NEO1: variants seen among roughly 807,000 people sequenced by gnomAD.
NEO1 encodes the protein neogenin.
In NEO1, 63 loss-of-function variants were observed where a neutral mutation model predicts 159.7. The observed-to-expected ratio is 0.39, with a 90% CI of 0.32 to 0.49. NEO1 has a LOEUF of 0.49. NEO1 is among the 20% of genes least tolerant of loss of function. NEO1 has a pLI of 0.85. For missense variants in NEO1, 1,615 were observed against 1,831.0 expected, an observed-to-expected ratio of 0.88 and a Z score of 2.15; for synonymous variants, 633 against 662.0, an observed-to-expected ratio of 0.96 and a Z score of 0.67.
At chr15:73,243,979 A>G (rs1396391076) in intron 8 of NEO1, among the ~76,000 whole-genome samples, 1 of 152,170 alleles carries the variant, frequency 6.6e-6, no homozygotes, top group East Asian at 1.9e-4. Context: ...GGTCATACCA[A>G]TATCCACCTT....
At chr15:73,188,908 C>T (rs1268228092) in intron 7 of NEO1, among the ~76,000 whole-genome samples, 1 of 151,914 alleles carries the variant, frequency 6.6e-6, no homozygotes, top group Non-Finnish European at 1.5e-5. Flanking sequence ...GCCTGGGCAA[C>T]ATAGTGAGAC....
chr15:73,155,978 C>T (rs113288632), intron 5 of NEO1, among the ~76,000 whole-genome samples: 8 of 152,040 alleles, frequency 5.3e-5, no homozygotes, highest in Admixed American at 1.3e-4. Context: ...GGACCTATTG[C>T]GGGAGAATTA....
chr15:73,283,710 G>A (rs1392943696), intron 23 of NEO1, among the ~76,000 whole-genome samples: 2 of 152,176 alleles, frequency 1.3e-5, no homozygotes, highest in Non-Finnish European at 1.5e-5. Context: ...AGTAGAAAGT[G>A]TCTGGCATTG....
chr15:73,067,892 A>C (rs1215786636), intron 1 of NEO1, among the ~76,000 whole-genome samples: 1 of 152,126 alleles, frequency 6.6e-6, no homozygotes, highest in Non-Finnish European at 1.5e-5. Flanking sequence ...CTGGGATTAC[A>C]GGTGTGAGCC....
At chr15:73,288,615 T>C (rs2042040683) in intron 24 of NEO1, 64 bp downstream of exon 24, 5 of 1,445,312 alleles carry the variant, frequency 3.5e-6, no homozygotes, top group Non-Finnish European at 4.8e-6. Flanking sequence ...AAATCTTTTT[T>C]TTTTTCCCTG....
At chr15:73,195,379 A>C (rs1429356668) in intron 7 of NEO1, among the ~76,000 whole-genome samples, 1 of 152,184 alleles carries the variant, frequency 6.6e-6, no homozygotes, top group Non-Finnish European at 1.5e-5. Flanking sequence ...GGCTGCTTAT[A>C]GACTAGCTTT....
At chr15:73,293,369 C>G (rs1164192179) in intron 25 of NEO1, 21 bp from the exon 26 acceptor site, 1 of 1,613,194 alleles carries the variant, frequency 6.2e-7, no homozygotes, top group Admixed American at 1.7e-5. Context: ...AAGCATTTCT[C>G]TGTCTTGTGT....
At chr15:73,217,099 T>G (rs1366872105) in intron 7 of NEO1, among the ~76,000 whole-genome samples, 3 of 152,052 alleles carry the variant, frequency 2.0e-5, no homozygotes, top group Non-Finnish European at 4.4e-5. Flanking sequence ...CTTGAACTGA[T>G]TTTTGTATAA....
intron 1 of NEO1, among the ~76,000 whole-genome samples, chr15:73,105,592 C>G (rs1403581114): frequency 6.6e-6 from 1 of 152,172 alleles, no homozygotes; most frequent in East Asian, 1.9e-4. Context: ...TAAGGTTTCA[C>G]TCATTGCATT....
At position 73,052,680 on chromosome 15, in the gene NEO1, C is replaced by A. The variant is rs753139700; in HGVS notation, c.5C>A (p.Ala2Glu). Residue 2 changes from alanine (A) to glutamate (E), a missense_variant, in exon 1 of 29, where the codon GCG becomes GAG. Physicochemically the swap from Ala to Glu is moderately radical, Grantham distance 107. Transcript: ENST00000261908. The stretch of plus-strand genomic sequence containing the variant: ...CCGCTCACTCTCGGGGAAGAGATGG[C>A]GGCGGAGCGGGGAGCCCGGCGACTC... MAAERGARRLLS... is the reference protein window; with the variant it reads MEAERGARRLLS... The A allele has an allele frequency of 4.5e-6, 6 of 1,340,872 alleles. No individual in the cohort carries two copies. The highest frequency in any genetic ancestry group is 4.8e-6 in the Non-Finnish European group (5 of 1,037,750). The allele number at this position is 1,340,872 out of a possible 1,614,324, so 83.1% of individuals were successfully genotyped here.
At chr15:73,287,878 CA>C (rs35855032) in intron 23 of NEO1, among the ~76,000 whole-genome samples, 59,275 of 143,492 alleles carry the variant, frequency 0.41, 11,768 homozygotes, top group East Asian at 0.56. Context: ...AACTCCATCT[CA>C]AAAAAAAAAA....
At chr15:73,197,144 G>T (rs1403041949) in intron 7 of NEO1, among the ~76,000 whole-genome samples, 1 of 152,186 alleles carries the variant, frequency 6.6e-6, no homozygotes, top group Non-Finnish European at 1.5e-5. Flanking sequence ...CAGATCGCTT[G>T]AGCTCGGGAG....
At chr15:73,199,291 C>T (rs78432956) in intron 7 of NEO1, among the ~76,000 whole-genome samples, 6,859 of 151,368 alleles carry the variant, frequency 0.045, 165 homozygotes, top group African/African-American at 0.048. Context: ...ATGCTCTCAA[C>T]GTGACTTATC....
At chr15:73,184,944 GAAAAGAAAAAGAA>G (rs2151984970) in intron 7 of NEO1, among the ~76,000 whole-genome samples, 1 of 151,712 alleles carries the variant, frequency 6.6e-6, no homozygotes, top group African/African-American at 2.4e-5. Context: ...AAAAAAGAAA[GAAAAGAAAAAGAA>G]AAAAGAAATG....
At chr15:73,281,340 C>T (rs1256766601) in intron 22 of NEO1, among the ~76,000 whole-genome samples, 2 of 151,504 alleles carry the variant, frequency 1.3e-5, no homozygotes, top group Admixed American at 6.6e-5. Context: ...CTGCAAGCTC[C>T]GCCTCCCAGG....
chr15:73,076,538 T>G (rs1388432827), intron 1 of NEO1, among the ~76,000 whole-genome samples: 1 of 152,178 alleles, frequency 6.6e-6, no homozygotes, highest in African/African-American at 2.4e-5. Flanking sequence ...AAATAGAAGG[T>G]ACTGACAGTA....
chr15:73,166,117 T>G (rs1303403527), intron 5 of NEO1, among the ~76,000 whole-genome samples: 1 of 152,142 alleles, frequency 6.6e-6, no homozygotes, highest in African/African-American at 2.4e-5. Flanking sequence ...ACTGCCTACC[T>G]TACCGGTTTC....
At chr15:73,088,335 G>C (rs1403635464) in intron 1 of NEO1, among the ~76,000 whole-genome samples, 1 of 151,882 alleles carries the variant, frequency 6.6e-6, no homozygotes, top group East Asian at 1.9e-4. Context: ...GCAGAGAGTT[G>C]TTTGAAATGA....
intron 4 of NEO1, among the ~76,000 whole-genome samples, chr15:73,130,685 AG>A (rs1291820500): frequency 6.6e-6 from 1 of 152,208 alleles, no homozygotes; most frequent in African/African-American, 2.4e-5. Context: ...CTAGCCAGGC[AG>A]TAATGAGGCC....
Sources: allele counts gnomAD v4.1 joint callset (sites outside exome capture counted in the v4.1 genomes callset), GRCh38; gene constraint gnomAD v4.1.1; transcripts MANE v1.5; gene names NCBI Gene and HGNC (gene_info 2026-07-23, HGNC 2026-07-21).